The following EXOC2 variants were observed in gnomAD, a reference collection of about 807,000 sequenced individuals.
EXOC2 encodes the protein exocyst complex component 2, also known as SEC5-like 1.
A neutral mutation model predicts 131.8 loss-of-function variants in EXOC2; 70 were observed. The observed-to-expected ratio is 0.53, with a 90% CI of 0.44 to 0.65. EXOC2 has a LOEUF of 0.65. Ranked by LOEUF, EXOC2 falls within the 30% of genes least tolerant of loss-of-function variation. The pLI, the probability that EXOC2 is intolerant of heterozygous loss-of-function variation, is 0.00. For synonymous variants in EXOC2, 411 were observed against 398.4 expected (o/e 1.03, Z -0.38); for missense variants, 923 against 1,108.6 (o/e 0.83, Z 2.38).
intron 1 of EXOC2, among the ~76,000 whole-genome samples, chr6:680,574 C>T (rs548711903): frequency 7.2e-5 from 11 of 152,298 alleles, no homozygotes; most frequent in African/African-American, 2.4e-4. Context: ...GAATAGCCCA[C>T]TTCCAGAGCC....
At chr6:652,168 T>C (rs138752534) in intron 1 of EXOC2, among the ~76,000 whole-genome samples, 70 of 152,276 alleles carry the variant, frequency 4.6e-4, no homozygotes, top group African/African-American at 1.7e-3. Context: ...TCAAAGAGCA[T>C]ACACTATACC....
intron 23 of EXOC2, among the ~76,000 whole-genome samples, chr6:505,268 A>G (rs186612688): frequency 1.2e-4 from 18 of 152,216 alleles, no homozygotes; most frequent in Admixed American, 2.6e-4. Context: ...TTTCCGTTCA[A>G]CTCTCACCAT....
At chr6:538,053 C>T (rs775790931) in intron 22 of EXOC2, among the ~76,000 whole-genome samples, 9 of 151,966 alleles carry the variant, frequency 5.9e-5, no homozygotes, top group Non-Finnish European at 1.0e-4. Flanking sequence ...GTAAATTACA[C>T]CTCATTTTTT....
At chr6:486,902 A>T in intron 27 of EXOC2, 138 bp from the exon 28 acceptor site, 1 of 590,438 alleles carries the variant, frequency 1.7e-6, no homozygotes, top group Non-Finnish European at 3.0e-6. Context: ...CTACCTATGG[A>T]TCCTTAACTC....
At chr6:625,518 C>CTTTTTTTTTTTTTTTTTTTT (rs796295514) in intron 4 of EXOC2, among the ~76,000 whole-genome samples, 2 of 108,058 alleles carry the variant, frequency 1.9e-5, no homozygotes, top group African/African-American at 3.3e-5. Context: ...TGTTTCCGTT[C>CTTTTTTTTTTTTTTTTTTTT]TTTTTTTTTT....
chr6:649,789 T>C (rs747455704), intron 1 of EXOC2, among the ~76,000 whole-genome samples: 1 of 152,244 alleles, frequency 6.6e-6, no homozygotes, highest in Non-Finnish European at 1.5e-5. Flanking sequence ...GCAAATGGTA[T>C]CTAGTGGGAC....
chr6:657,021 C>T (rs1274534381), intron 1 of EXOC2: 8 of 1,247,026 alleles, frequency 6.4e-6, no homozygotes, highest in South Asian at 1.7e-5. Flanking sequence ...CGCTGGGGTC[C>T]GTGGCGCTGC....
intron 10 of EXOC2, among the ~76,000 whole-genome samples, chr6:593,444 C>T (rs897249259): frequency 2.0e-5 from 3 of 152,170 alleles, no homozygotes; most frequent in Non-Finnish European, 4.4e-5. Flanking sequence ...GAAAATATTT[C>T]TCTAGGAAAT....
intron 1 of EXOC2, chr6:656,646 A>T (rs769115820): frequency 6.2e-7 from 1 of 1,607,250 alleles, no homozygotes; most frequent in South Asian, 1.1e-5. Flanking sequence ...CTGCAGCTTC[A>T]GGGAGGACGC....
intron 11 of EXOC2, among the ~76,000 whole-genome samples, chr6:580,201 C>T (rs1758813732): frequency 6.6e-6 from 1 of 152,066 alleles, no homozygotes; most frequent in African/African-American, 2.4e-5. Flanking sequence ...ACCACCATGC[C>T]CAGCTAATTT....
At chr6:646,648 G>A (rs966329407) in intron 1 of EXOC2, among the ~76,000 whole-genome samples, 1 of 152,102 alleles carries the variant, frequency 6.6e-6, no homozygotes, top group Admixed American at 6.5e-5. Flanking sequence ...TCAGCAAAAT[G>A]CACAAATAAG....
chr6:615,453 G>A (rs769325226), intron 6 of EXOC2, among the ~76,000 whole-genome samples: 1 of 152,128 alleles, frequency 6.6e-6, no homozygotes, highest in African/African-American at 2.4e-5. Flanking sequence ...TAAGTTAAAT[G>A]ACACCACAAG....
rs753542410 is a variant in EXOC2, at chr6:521,555, GGTCT to G, written c.2380+10910_2380+10913del. Among the ~76,000 whole-genome samples the G allele has an allele frequency of 3.8e-4, 57 of 151,706 alleles. 1 individual carries two copies. Among genetic ancestry groups the G allele is most frequent in the Non-Finnish European group, 3.8e-4 (26 of 67,912 alleles). On this transcript the variant is annotated intron_variant, in intron 23 of 27. Coordinates refer to ENST00000230449, the MANE Select transcript of EXOC2 (RefSeq NM_018303.6). ...CTTTTTTTTTTTTTTCCTGAGACAGGGTCTGTCTGTCACCCAGGCTGGTGTGCAG... is the reference window on the plus strand; with the variant it reads ...CTTTTTTTTTTTTTTCCTGAGACAGGGTCTGTCACCCAGGCTGGTGTGCAG...
At chr6:665,783 GA>G (rs765788276) in intron 1 of EXOC2, among the ~76,000 whole-genome samples, 2 of 152,030 alleles carry the variant, frequency 1.3e-5, no homozygotes, top group African/African-American at 4.8e-5. Flanking sequence ...TTGGGGGGAA[GA>G]GGGGGAGGGG....
chr6:587,978 G>C (rs936237413), intron 11 of EXOC2, among the ~76,000 whole-genome samples: 1 of 152,246 alleles, frequency 6.6e-6, no homozygotes, highest in African/African-American at 2.4e-5. Flanking sequence ...GGAGGGGAGA[G>C]AAGCAGGTAA....
At chr6:494,254 T>C (rs1026371709) in intron 25 of EXOC2, among the ~76,000 whole-genome samples, 4 of 152,206 alleles carry the variant, frequency 2.6e-5, no homozygotes, top group Non-Finnish European at 5.9e-5. Context: ...TTCCCAAATA[T>C]GTATTTTGAA....
At chr6:685,869 C>CTTTTTTTTTTTTTTTTTTTTT (rs58892194) in intron 1 of EXOC2, among the ~76,000 whole-genome samples, 31 of 98,262 alleles carry the variant, frequency 3.2e-4, no homozygotes, top group Non-Finnish European at 3.9e-4. Flanking sequence ...TCCTGGACCT[C>CTTTTTTTTTTTTTTTTTTTTT]TTTTTTTTTT....
chr6:646,807 A>G (rs1762598650), intron 1 of EXOC2, among the ~76,000 whole-genome samples: 1 of 152,238 alleles, frequency 6.6e-6, no homozygotes, highest in Non-Finnish European at 1.5e-5. Context: ...AAGTGTGGAA[A>G]GCTTGTTTTG....
At chr6:606,041 G>C (rs1760391290) in intron 7 of EXOC2, among the ~76,000 whole-genome samples, 1 of 152,174 alleles carries the variant, frequency 6.6e-6, no homozygotes, top group Non-Finnish European at 1.5e-5. Context: ...TGACAGACTG[G>C]ATTAAGAAAA....
Sources: allele counts gnomAD v4.1 joint callset (sites outside exome capture counted in the v4.1 genomes callset), GRCh38; gene constraint gnomAD v4.1.1; transcripts MANE v1.5; gene names NCBI Gene and HGNC (gene_info 2026-07-23, HGNC 2026-07-21).